Variants in MCMBP observed in about 807,000 individuals in gnomAD.
The protein encoded by MCMBP is mini-chromosome maintenance complex-binding protein.
Under a neutral mutation model 81.3 loss-of-function variants are expected in MCMBP, and 31 were observed. The ratio of observed to expected loss-of-function variants is 0.38; its 90% CI spans 0.29 to 0.51. The LOEUF (loss-of-function observed/expected upper bound fraction) is 0.51, where lower values mean the gene tolerates loss of function less well. MCMBP is among the 20% of genes least tolerant of loss of function. The pLI is 0.87. For missense variants in MCMBP, 645 were observed against 772.1 expected, an observed-to-expected ratio of 0.84 and a Z score of 1.95; for synonymous variants, 267 against 275.9, an observed-to-expected ratio of 0.97 and a Z score of 0.32.
intron 1 of MCMBP, among the ~76,000 whole-genome samples, chr10:119,862,675 A>C (rs1030027897): frequency 1.3e-5 from 2 of 152,220 alleles, no homozygotes; most frequent in African/African-American, 4.8e-5. Flanking sequence ...TCATGTGAAC[A>C]TGAGCTTTCA....
chr10:119,870,721 T>C (rs1376316296), intron 1 of MCMBP, among the ~76,000 whole-genome samples: 3 of 152,196 alleles, frequency 2.0e-5, no homozygotes, highest in African/African-American at 4.8e-5. Flanking sequence ...ACAAACATAC[T>C]TGTAATGCTG....
chr10:119,840,941 G>A lies in MCMBP; in HGVS notation c.1144C>T (p.Leu382Phe), dbSNP rs1318181164. ...ISTVYTRRDVLPLGKFTVNLS... is the reference protein window; with the variant it reads ...ISTVYTRRDVFPLGKFTVNLS... Reference sequence around the variant, plus strand: ...TTAACTGTAAATTTTCCTAGTGGAAGGACATCTCTTCTTGTATATCTAGAA... The same window carrying A: ...TTAACTGTAAATTTTCCTAGTGGAAAGACATCTCTTCTTGTATATCTAGAA... Residue 382 changes from leucine (L) to phenylalanine (F), a missense_variant, in exon 11 of 16, where the codon CTT becomes TTT. Transcript: ENST00000369077. The A allele has an allele frequency of 6.2e-7, 1 of 1,604,294 alleles. No homozygotes were observed. The highest frequency in any genetic ancestry group is 8.5e-7 in the Non-Finnish European group (1 of 1,172,992).
intron 4 of MCMBP, 33 bp from the exon 5 acceptor site, chr10:119,857,472 T>G: frequency 1.3e-6 from 2 of 1,492,268 alleles, no homozygotes; most frequent in Non-Finnish European, 1.8e-6. Flanking sequence ...TTTTAAAAAT[T>G]TACTTTAAAA....
intron 5 of MCMBP, among the ~76,000 whole-genome samples, chr10:119,853,500 C>T (rs555283819): frequency 3.3e-5 from 5 of 152,284 alleles, no homozygotes; most frequent in South Asian, 2.1e-4. Flanking sequence ...AGGTAAACTC[C>T]AAATTCTCCC....
chr10:119,858,995 A>C lies in MCMBP; in HGVS notation c.285+46T>G, dbSNP rs140472821. 1.1e-3 allele frequency: 1,832 copies of C among 1,611,386 alleles called. 2 individuals carry two copies. The highest frequency in any genetic ancestry group is 1.4e-3 in the Non-Finnish European group (1,658 of 1,178,978). On this transcript the variant is annotated intron_variant, in intron 3 of 15. Coordinates refer to ENST00000369077, the MANE Select transcript of MCMBP (RefSeq NM_001256378.2). ...GAACCAAAACTACCACCAACAGTAA[A>C]AGGACAAAATTAATACCACAAATTC...
Position 119,842,491 on chromosome 10 carries a change from A to G in MCMBP, c.1105T>C (p.Leu369=). 1 of 1,613,634 alleles carries G rather than the reference A, an allele frequency of 6.2e-7. No homozygotes were observed. Among genetic ancestry groups the G allele is most frequent in the African/African-American group, 1.3e-5 (1 of 75,018 alleles). ...GDSLAAEYLI[L]HLISTVYTRR... ...ACTTACACTGTGGAGATGAGATGTA[A>G]TATAAGGTATTCAGCAGCCAAACTA... is the stretch of plus-strand genomic sequence containing the variant. Residue 369 remains leucine, a synonymous_variant, in exon 10 of 16, where the codon TTA becomes CTA. Transcript: ENST00000369077.
intron 11 of MCMBP, among the ~76,000 whole-genome samples, chr10:119,839,466 C>T (rs1852358528): frequency 6.6e-6 from 1 of 152,150 alleles, no homozygotes; most frequent in Admixed American, 6.5e-5. Context: ...TGTATTACCT[C>T]AGTGATTCTA....
intron 5 of MCMBP, among the ~76,000 whole-genome samples, chr10:119,854,251 A>T (rs1464773941): frequency 1.3e-5 from 2 of 151,926 alleles, no homozygotes; most frequent in East Asian, 3.9e-4. Context: ...CATGTTGGCC[A>T]GGTTGGTCTC....
In MCMBP at chr10:119,872,548, C is replaced by T. The variant is rs1853727449; in HGVS notation, c.37G>A (p.Gly13Arg). The T allele has an allele frequency of 1.7e-6, 2 of 1,190,910 alleles. No individual in the cohort carries two copies. The highest frequency in any genetic ancestry group is 2.1e-6 in the Non-Finnish European group (2 of 954,394). 73.8% of individuals were successfully genotyped at this position (1,190,910 alleles called of 1,614,324 possible). The change falls in exon 1 of 16, where the codon GGA becomes AGA. Residue 13 changes from glycine to arginine, a missense_variant. Physicochemically the swap from Gly to Arg is moderately radical, Grantham distance 125 (BLOSUM62 -2). Coordinates refer to ENST00000369077, the MANE Select transcript of MCMBP (RefSeq NM_001256378.2). The part of the protein sequence containing the change: ...CGEDWLSHPL[G>R]IVQGFFAQNG... The stretch of plus-strand genomic sequence containing the variant: ...TCACCGAAGAATCCCTGCACGATTC[C>T]CAGCGGGTGGCTGAGCCAATCCTCC...
chr10:119,858,208 A>G (rs1050692247), intron 4 of MCMBP: 3 of 152,266 alleles, frequency 2.0e-5, no homozygotes, highest in African/African-American at 4.8e-5. Context: ...AAATGGGTCA[A>G]TAAAATAGAT....
intron 11 of MCMBP, among the ~76,000 whole-genome samples, chr10:119,839,965 C>A (rs1852378810): frequency 2.0e-5 from 3 of 152,168 alleles, no homozygotes. Context: ...TCCTATTAAT[C>A]CAGACATTGA....
In MCMBP at chr10:119,853,089, T is replaced by G. The variant is rs748770995; in HGVS notation, c.535A>C (p.Asn179His). 1 of 1,614,114 alleles carries G rather than the reference T, an allele frequency of 6.2e-7. No homozygotes were observed. The highest frequency in any genetic ancestry group is 1.3e-5 in the African/African-American group (1 of 74,950). The change falls in exon 6 of 16, where the codon AAT becomes CAT. Residue 179 changes from asparagine (N) to histidine (H), a missense_variant. Transcript: ENST00000369077. ...EDDDDMDLQP[N>H]KQKDQHAGAR... ...CCTGCATGTTGGTCTTTCTGCTTAT[T>G]GGGCTGTAGGTCCATATCGTCATCA...
At chr10:119,866,159 T>C (rs1853443188) in intron 1 of MCMBP, among the ~76,000 whole-genome samples, 2 of 150,730 alleles carry the variant, frequency 1.3e-5, no homozygotes. Context: ...GAAAATATCA[T>C]GGTAAATGAA....
At chr10:119,864,739 C>T (rs1853393002) in intron 1 of MCMBP, among the ~76,000 whole-genome samples, 1 of 151,594 alleles carries the variant, frequency 6.6e-6, no homozygotes, top group South Asian at 2.1e-4. Flanking sequence ...TTAAATTATT[C>T]ACTTGAGACC....
rs774472172 is a variant in MCMBP at position 119,859,847 on chromosome 10, T to C, written c.96A>G (p.Val32=). ...NGVNPDWEKK[V]IEYFKEKLKE... ...TCAGCTTTTCCTTAAAATACTCAAT[T>C]ACTTTCTTCTCCCAGTCAGGATTAA... Residue 32 remains valine, a synonymous_variant, in exon 2 of 16, where the codon GTA becomes GTG. Transcript: ENST00000369077. 6.2e-7 allele frequency: 1 copy of C among 1,613,404 alleles called. No homozygotes were observed. Among genetic ancestry groups the C allele is most frequent in the Non-Finnish European group, 8.5e-7 (1 of 1,179,752 alleles).
intron 1 of MCMBP, among the ~76,000 whole-genome samples, chr10:119,868,349 C>G (rs1853545597): frequency 6.6e-6 from 1 of 152,136 alleles, no homozygotes; most frequent in Non-Finnish European, 1.5e-5. Flanking sequence ...TGGCTTGAAC[C>G]CAGAAGGCGG....
intron 7 of MCMBP, 121 bp from the exon 8 acceptor site, chr10:119,847,834 ATTTTATAAAT>A (rs1458247463): frequency 2.0e-6 from 1 of 492,568 alleles, no homozygotes; most frequent in Non-Finnish European, 3.5e-6. Context: ...CAAGTCCTTT[ATTTTATAAAT>A]TTTTATAAAT....
At chr10:119,855,399 C>T (rs537131469) in intron 5 of MCMBP, among the ~76,000 whole-genome samples, 2 of 152,158 alleles carry the variant, frequency 1.3e-5, no homozygotes, top group East Asian at 3.8e-4. Flanking sequence ...GGGCCAGGCG[C>T]GGTGGCTCAC....
At chr10:119,868,313 C>A (rs571417252) in intron 1 of MCMBP, among the ~76,000 whole-genome samples, 91 of 152,282 alleles carry the variant, frequency 6.0e-4, no homozygotes, top group African/African-American at 2.1e-3. Context: ...TTAATCCCAG[C>A]TACTCGAGAG....
Sources: gnomAD v4.1 joint callset for allele counts (sites outside exome capture counted in the v4.1 genomes callset) on GRCh38, gnomAD v4.1.1 for gene constraint, MANE v1.5 for transcripts, NCBI Gene and HGNC (gene_info 2026-07-23, HGNC 2026-07-21) for gene names.